Variants in NFATC1 observed in about 807,000 individuals in gnomAD.
The protein encoded by NFATC1 is nuclear factor of activated T cells 1.
NFATC1 carries 22 observed loss-of-function variants against 76.0 expected under a neutral mutation model. The ratio of observed to expected loss-of-function variants is 0.29; its 90% CI spans 0.21 to 0.41. The LOEUF is 0.41. Among genes scored for constraint, NFATC1 ranks in the 10% least tolerant of loss-of-function variants. NFATC1 has a pLI of 1.00. For missense variants in NFATC1, 1,357 were observed against 1,337.7 expected, an observed-to-expected ratio of 1.01 and a Z score of -0.23; for synonymous variants, 704 against 613.1, an observed-to-expected ratio of 1.15 and a Z score of -2.19.
At chr18:79,427,370 C>T (rs1027079712) in intron 2 of NFATC1, among the ~76,000 whole-genome samples, 30 of 131,818 alleles carry the variant, frequency 2.3e-4, no homozygotes, top group African/African-American at 5.3e-4. Context: ...GGGTGCTGTA[C>T]GGCTGGCCTC....
intron 2 of NFATC1, chr18:79,422,207 G>A (rs1263021807): frequency 6.6e-6 from 1 of 152,226 alleles, no homozygotes; most frequent in Non-Finnish European, 1.5e-5. Context: ...AACGGAATCA[G>A]TTCCATGACT....
At chr18:79,396,431 G>GC (rs1172723982) in intron 1 of NFATC1, 80 bp downstream of exon 1, 1 of 967,652 alleles carries the variant, frequency 1.0e-6, no homozygotes, top group Non-Finnish European at 1.3e-6. Flanking sequence ...CGCCCCCGTC[G>GC]CCCGCACGGA....
At chr18:79,424,839 G>GTC (rs1334823578) in intron 2 of NFATC1, among the ~76,000 whole-genome samples, 1 of 110,942 alleles carries the variant, frequency 9.0e-6, no homozygotes, top group Non-Finnish European at 2.1e-5. Flanking sequence ...CTCCATCTCT[G>GTC]TCTCTGTTTC....
At chr18:79,489,577 C>G (rs1316627877) in intron 9 of NFATC1, among the ~76,000 whole-genome samples, 1 of 152,230 alleles carries the variant, frequency 6.6e-6, no homozygotes, top group Non-Finnish European at 1.5e-5. Context: ...CCCAGCGGGC[C>G]TCTCTCCCCA....
At chr18:79,450,836 C>A in intron 4 of NFATC1, 118 bp from the exon 5 acceptor site, 1 of 1,321,574 alleles carries the variant, frequency 7.6e-7, no homozygotes, top group Non-Finnish European at 1.0e-6. Context: ...GGAGAGTGGC[C>A]AGCTGCCTGG....
chr18:79,495,560 A>G (rs2089856947), intron 9 of NFATC1, among the ~76,000 whole-genome samples: 1 of 152,332 alleles, frequency 6.6e-6, no homozygotes, highest in African/African-American at 2.4e-5. Flanking sequence ...GAAGGAAGCA[A>G]GAGGGAAGAG....
chr18:79,403,562 C>G (rs534151974), intron 1 of NFATC1, among the ~76,000 whole-genome samples: 2 of 152,372 alleles, frequency 1.3e-5, no homozygotes, highest in South Asian at 4.1e-4. Flanking sequence ...TTTTGGCCAG[C>G]TTGGCTGCTG....
At chr18:79,475,329 G>A (rs892329249) in intron 8 of NFATC1, among the ~76,000 whole-genome samples, 7 of 140,060 alleles carry the variant, frequency 5.0e-5, no homozygotes, top group Admixed American at 1.5e-4. Flanking sequence ...GTGTTCTCAC[G>A]TTCACTGTCA....
intron 8 of NFATC1, among the ~76,000 whole-genome samples, chr18:79,480,683 G>A (rs1011246216): frequency 6.6e-6 from 1 of 152,182 alleles, no homozygotes; most frequent in African/African-American, 2.4e-5. Flanking sequence ...GACGCCACCC[G>A]GTTGCCCCAG....
At chr18:79,471,817 G>A (rs1388486684) in intron 8 of NFATC1, among the ~76,000 whole-genome samples, 2 of 152,238 alleles carry the variant, frequency 1.3e-5, no homozygotes, top group Admixed American at 6.5e-5. Context: ...GGGATCTGGG[G>A]GTCCTTCACC....
chr18:79,479,671 C>T lies in NFATC1; in HGVS notation c.2093-6577C>T, dbSNP rs572661909. ...TGCAGCTCTCCAGGACATGACTTAG[C>T]AGAGAACATCCCGCTGCATCCTCAT... On this transcript the variant is annotated intron_variant, in intron 8 of 9. Transcript: ENST00000427363. 2.6e-5 allele frequency among the ~76,000 whole-genome samples: 4 copies of T among 152,366 alleles called. No homozygotes were observed. The East Asian group carries it at 5.8e-4, about 22-fold the overall frequency.
chr18:79,436,591 C>T lies in NFATC1; in HGVS notation c.1386+2853C>T, dbSNP rs572235900. Among the ~76,000 whole-genome samples, 8 of 152,338 alleles carry T rather than the reference C, an allele frequency of 5.3e-5. No homozygotes were observed. In the South Asian group the frequency reaches 1.0e-3, roughly 20 times the overall value. On this transcript the variant is annotated intron_variant, in intron 3 of 9. Transcript: ENST00000427363. Reference sequence around the variant, plus strand: ...CCGTCCTCCCCATCCCCATGTGTTTCGCAGTTGGGAAGTGAAGCACGTGAG... The same window carrying T: ...CCGTCCTCCCCATCCCCATGTGTTTTGCAGTTGGGAAGTGAAGCACGTGAG...
chr18:79,466,924 A>C (rs1368656474), intron 7 of NFATC1, among the ~76,000 whole-genome samples: 2 of 152,070 alleles, frequency 1.3e-5, no homozygotes, highest in Non-Finnish European at 2.9e-5. Flanking sequence ...TCGTTTTCTG[A>C]AGGTCACCAA....
chr18:79,474,524 C>G (rs2088956126), intron 8 of NFATC1, among the ~76,000 whole-genome samples: 1 of 149,014 alleles, frequency 6.7e-6, no homozygotes, highest in South Asian at 2.1e-4. Context: ...GAAGCGTGTT[C>G]TCACACTCAC....
chr18:79,528,425 C>T lies in NFATC1; in HGVS notation c.*848C>T, dbSNP rs55668001. 2,503 of 152,420 alleles carry T rather than the reference C, an allele frequency of 0.016. 35 individuals carry two copies. Among genetic ancestry groups the T allele is most frequent in the Non-Finnish European group, 0.025 (1,711 of 68,086 alleles). The allele number at this position is 152,420 out of a possible 1,614,324, so 9.4% of individuals were successfully genotyped here. A position where few individuals can be genotyped will look rare whatever the true frequency, so the allele number is the denominator to read the frequency against. ...AATAATAACAGAGCCGACGTGTCCTCGCCCAGGAGGGCTTCCCTGTCAGCA... is the reference window on the plus strand; with the variant it reads ...AATAATAACAGAGCCGACGTGTCCTTGCCCAGGAGGGCTTCCCTGTCAGCA... On this transcript the variant is annotated 3_prime_UTR_variant, in exon 10 of 10. Coordinates refer to ENST00000427363, the MANE Select transcript of NFATC1 (RefSeq NM_001278669.2).
chr18:79,510,741 C>T (rs1191810351), intron 9 of NFATC1, among the ~76,000 whole-genome samples: 1 of 152,242 alleles, frequency 6.6e-6, no homozygotes, highest in East Asian at 1.9e-4. Context: ...TGGGGGCACC[C>T]AGGTCCTTCC....
At position 79,411,382 on chromosome 18, in the gene NFATC1, A is replaced by G. The variant is rs2085673873; in HGVS notation, c.1107A>G (p.Glu369=). The G allele has an allele frequency of 1.9e-6, 3 of 1,583,188 alleles. No homozygotes were observed. Among genetic ancestry groups the G allele is most frequent in the Non-Finnish European group, 2.6e-6 (3 of 1,166,930 alleles). Residue 369 remains glutamate, a synonymous_variant, in exon 2 of 10, where the codon GAA becomes GAG. Coordinates refer to ENST00000427363, the MANE Select transcript of NFATC1 (RefSeq NM_001278669.2). ...CGCCCCCGGCCGACTTCGCGCCCGAAGACTACTCCTCTTTCCAGCACATCA... is the reference window on the plus strand; with the variant it reads ...CGCCCCCGGCCGACTTCGCGCCCGAGGACTACTCCTCTTTCCAGCACATCA... ...SPPPPADFAP[E]DYSSFQHIRK... is the part of the protein sequence containing the mutation.
chr18:79,488,027 A>G (rs1261741026), intron 9 of NFATC1, among the ~76,000 whole-genome samples: 1 of 152,106 alleles, frequency 6.6e-6, no homozygotes, highest in Non-Finnish European at 1.5e-5. Context: ...CCTGGGGTCC[A>G]GGCGAGCCTC....
At chr18:79,480,422 T>C (rs573762111) in intron 8 of NFATC1, among the ~76,000 whole-genome samples, 44 of 152,088 alleles carry the variant, frequency 2.9e-4, no homozygotes, top group African/African-American at 1.0e-3. Flanking sequence ...GCATCAGTGC[T>C]GGGCCTGCTC....
Sources: allele counts gnomAD v4.1 joint callset (sites outside exome capture counted in the v4.1 genomes callset), GRCh38; gene constraint gnomAD v4.1.1; transcripts MANE v1.5; gene names NCBI Gene and HGNC (gene_info 2026-07-23, HGNC 2026-07-21).